The following ADAMTSL3 variants were observed in gnomAD, a reference collection of about 807,000 sequenced individuals.
ADAMTSL3 encodes the protein ADAMTS-like protein 3.
ADAMTSL3 carries 128 observed loss-of-function variants against 201.7 expected under a neutral mutation model. The ratio of observed to expected loss-of-function variants is 0.63; its 90% CI spans 0.55 to 0.73. The LOEUF (loss-of-function observed/expected upper bound fraction) is 0.73, where lower values mean the gene tolerates loss of function less well. Among genes scored for constraint, ADAMTSL3 ranks in the 30% least tolerant of loss-of-function variants. The probability of loss-of-function intolerance (pLI) is 0.00; values close to 1 mark genes in which losing one functional copy is unlikely to be tolerated. For synonymous variants in ADAMTSL3, 738 were observed against 748.4 expected, an observed-to-expected ratio of 0.99 and a Z score of 0.23; for missense variants, 1,990 against 2,119.6, an observed-to-expected ratio of 0.94 and a Z score of 1.20.
chr15:84,005,421 G>A (rs2067876173), intron 23 of ADAMTSL3, among the ~76,000 whole-genome samples: 1 of 152,204 alleles, frequency 6.6e-6, no homozygotes, highest in Non-Finnish European at 1.5e-5. Flanking sequence ...ACTGGAATCA[G>A]TAGTTTACAC....
At chr15:83,955,132 T>C (rs1369995021) in intron 19 of ADAMTSL3, among the ~76,000 whole-genome samples, 2 of 152,206 alleles carry the variant, frequency 1.3e-5, no homozygotes, top group Non-Finnish European at 2.9e-5. Flanking sequence ...CCTGGGCATG[T>C]CCAGAGATAC....
chr15:83,802,343 A>G (rs1164637500), intron 4 of ADAMTSL3, among the ~76,000 whole-genome samples: 1 of 152,192 alleles, frequency 6.6e-6, no homozygotes, highest in Non-Finnish European at 1.5e-5. Context: ...ATGGACTCAG[A>G]AATCCCACTT....
chr15:83,906,284 T>A (rs1287960624), intron 15 of ADAMTSL3, among the ~76,000 whole-genome samples: 1 of 152,188 alleles, frequency 6.6e-6, no homozygotes, highest in Non-Finnish European at 1.5e-5. Flanking sequence ...AAAAAATTGC[T>A]TCAGCCGTTT....
chr15:83,776,829 G>A (rs537062965), intron 4 of ADAMTSL3, among the ~76,000 whole-genome samples: 13 of 152,222 alleles, frequency 8.5e-5, no homozygotes, highest in Non-Finnish European at 1.9e-4. Flanking sequence ...TTATGTGATG[G>A]GAAGGGTTAT....
chr15:83,837,531 A>G (rs1300589457), intron 6 of ADAMTSL3, among the ~76,000 whole-genome samples: 2 of 152,158 alleles, frequency 1.3e-5, no homozygotes, highest in Non-Finnish European at 2.9e-5. Context: ...CTGTAATCCC[A>G]GCACTTTGGA....
intron 6 of ADAMTSL3, among the ~76,000 whole-genome samples, chr15:83,826,183 G>A (rs757455756): frequency 2.0e-5 from 3 of 152,052 alleles, no homozygotes; most frequent in Non-Finnish European, 2.9e-5. Context: ...ACAGCTCACT[G>A]TAGCCTTGGG....
At chr15:83,922,716 T>A (rs1336300790) in intron 16 of ADAMTSL3, among the ~76,000 whole-genome samples, 2 of 152,156 alleles carry the variant, frequency 1.3e-5, no homozygotes, top group African/African-American at 2.4e-5. Flanking sequence ...AGGAGAAAAT[T>A]TATTAGAAAG....
At chr15:83,668,654 A>G (rs1219442428) in intron 2 of ADAMTSL3, among the ~76,000 whole-genome samples, 1 of 152,150 alleles carries the variant, frequency 6.6e-6, no homozygotes, top group Non-Finnish European at 1.5e-5. Context: ...CTGAGCTTTT[A>G]AAAAGGGAGA....
chr15:83,953,697 T>G (rs1168847697), intron 19 of ADAMTSL3, among the ~76,000 whole-genome samples: 1 of 152,224 alleles, frequency 6.6e-6, no homozygotes, highest in African/African-American at 2.4e-5. Flanking sequence ...AGAGCTCCCT[T>G]TAGCATTTCT....
intron 22 of ADAMTSL3, among the ~76,000 whole-genome samples, chr15:83,990,475 G>A (rs1290668259): frequency 2.0e-5 from 3 of 152,216 alleles, no homozygotes; most frequent in African/African-American, 7.2e-5. Flanking sequence ...TTCTCATCTT[G>A]TACCCAGGTG....
At chr15:83,782,291 A>T (rs74589321) in intron 4 of ADAMTSL3, among the ~76,000 whole-genome samples, 2,525 of 152,198 alleles carry the variant, frequency 0.017, 53 homozygotes, top group African/African-American at 0.056. Flanking sequence ...AGCCCGGCAA[A>T]CATGGTGAAA....
chr15:83,982,405 C>G lies in ADAMTSL3; in HGVS notation c.2777C>G (p.Pro926Arg). 6.2e-7 allele frequency: 1 copy of G among 1,614,046 alleles called. No individual in the cohort carries two copies. Among genetic ancestry groups the G allele is most frequent in the Non-Finnish European group, 8.5e-7 (1 of 1,180,018 alleles). ...LTIGSRAYLL[P>R]NTSVIIKCPV... Reference sequence around the variant, plus strand: ...ATTGGTAGCAGAGCCTATTTGCTGCCCAACACATCCGTGATTATTAAGTGC... The same window carrying G: ...ATTGGTAGCAGAGCCTATTTGCTGCGCAACACATCCGTGATTATTAAGTGC... Residue 926 changes from proline (P) to arginine (R), a missense_variant, in exon 21 of 30, where the codon CCC (proline) becomes CGC (arginine). By Grantham distance (103) the Pro-to-Arg change is moderately radical. Coordinates refer to ENST00000286744, the MANE Select transcript of ADAMTSL3 (RefSeq NM_207517.3).
At chr15:83,856,812 T>A (rs1395398167) in intron 7 of ADAMTSL3, among the ~76,000 whole-genome samples, 1 of 152,194 alleles carries the variant, frequency 6.6e-6, no homozygotes, top group Non-Finnish European at 1.5e-5. Context: ...TTTCAATTCT[T>A]TTGGGTATAT....
intron 2 of ADAMTSL3, among the ~76,000 whole-genome samples, chr15:83,688,335 G>A (rs1002821973): frequency 6.6e-6 from 1 of 152,144 alleles, no homozygotes; most frequent in Non-Finnish European, 1.5e-5. Context: ...GGCACACAAT[G>A]AAACAGCAAA....
chr15:83,792,444 TA>T (rs976036870), intron 4 of ADAMTSL3, among the ~76,000 whole-genome samples: 43 of 152,306 alleles, frequency 2.8e-4, no homozygotes, highest in African/African-American at 1.0e-3. Context: ...GGCGAGAATG[TA>T]AATTGGTACA....
At position 84,025,265 on chromosome 15, in the gene ADAMTSL3, C is replaced by CTCTGTGT. The variant is rs1295899343; in HGVS notation, c.4486_4492dup (p.Ser1498PhefsTer6). ...GGTTCACAAGTGTGTGGTCACAGTG[C>CTCTGTGT]TCTGTGTCTTGCGGTGAAGGATACC... On this transcript the variant is annotated frameshift_variant, in exon 27 of 30. Coordinates refer to ENST00000286744, the MANE Select transcript of ADAMTSL3 (RefSeq NM_207517.3). LOFTEE classifies it high-confidence loss of function. 3 of 1,611,326 alleles carry CTCTGTGT rather than the reference C, an allele frequency of 1.9e-6. No individual in the cohort carries two copies. The highest frequency in any genetic ancestry group is 2.5e-6 in the Non-Finnish European group (3 of 1,178,686).
At chr15:84,024,409 T>C (rs899923134) in intron 26 of ADAMTSL3, among the ~76,000 whole-genome samples, 13 of 152,270 alleles carry the variant, frequency 8.5e-5, no homozygotes, top group Non-Finnish European at 1.9e-4. Flanking sequence ...TAAATATCTA[T>C]GATTTCTATT....
At chr15:83,736,862 G>A (rs772721944) in intron 3 of ADAMTSL3, among the ~76,000 whole-genome samples, 16 of 152,208 alleles carry the variant, frequency 1.1e-4, no homozygotes, top group Non-Finnish European at 1.5e-4. Flanking sequence ...ACCACTACAG[G>A]CTATAGTAAA....
At chr15:83,721,014 C>T (rs1247422889) in intron 3 of ADAMTSL3, among the ~76,000 whole-genome samples, 1 of 152,148 alleles carries the variant, frequency 6.6e-6, no homozygotes, top group Non-Finnish European at 1.5e-5. Context: ...AATAAGAAGT[C>T]TAAAAAATAA....
Sources: allele counts gnomAD v4.1 joint callset (sites outside exome capture counted in the v4.1 genomes callset), GRCh38; gene constraint gnomAD v4.1.1; transcripts MANE v1.5; gene names NCBI Gene and HGNC (gene_info 2026-07-23, HGNC 2026-07-21).